Variants in GLCE observed in about 807,000 individuals in gnomAD.
The protein encoded by GLCE is glucuronic acid epimerase, also known as D-glucuronyl C5-epimerase.
Under a neutral mutation model 47.9 loss-of-function variants are expected in GLCE, and 19 were observed. The ratio of observed to expected loss-of-function variants is 0.40; its 90% CI spans 0.28 to 0.58. The LOEUF is 0.58. Among genes scored for constraint, GLCE ranks in the 20% least tolerant of loss-of-function variants. The pLI, the probability that GLCE is intolerant of heterozygous loss-of-function variation, is 0.48. For missense variants in GLCE, 556 were observed against 743.3 expected (o/e 0.75, Z 2.93); for synonymous variants, 245 against 263.4 (o/e 0.93, Z 0.68).
rs2053174139 is a variant in GLCE, at chr15:69,272,105, G to T, written c.*2861G>T. 1 of 152,648 alleles carries T rather than the reference G, an allele frequency of 6.6e-6. No homozygotes were observed. Among genetic ancestry groups the T allele is most frequent in the Non-Finnish European group, 1.5e-5 (1 of 68,038 alleles). The allele number at this position is 152,648 out of a possible 1,614,324, so 9.5% of individuals were successfully genotyped here. Reference sequence around the variant, plus strand: ...ATACAGCAAAACTTGATTTTTTGCAGATGGAAAGGTATTTTGTTTCTATAC... The same window carrying T: ...ATACAGCAAAACTTGATTTTTTGCATATGGAAAGGTATTTTGTTTCTATAC... On this transcript the variant is annotated 3_prime_UTR_variant, in exon 5 of 5. Transcript: ENST00000261858.
At chr15:69,167,027 C>A (rs981451059) in intron 1 of GLCE, among the ~76,000 whole-genome samples, 1 of 151,172 alleles carries the variant, frequency 6.6e-6, no homozygotes, top group African/African-American at 2.4e-5. Flanking sequence ...ACCAGCCTGG[C>A]CAACATGGTG....
intron 2 of GLCE, among the ~76,000 whole-genome samples, chr15:69,211,288 A>G (rs527982636): frequency 1.3e-5 from 2 of 152,180 alleles, no homozygotes; most frequent in Non-Finnish European, 2.9e-5. Flanking sequence ...TCTCATTCTA[A>G]AAACTATTCA....
chr15:69,181,089 T>C (rs1215383425), intron 1 of GLCE, among the ~76,000 whole-genome samples: 1 of 152,150 alleles, frequency 6.6e-6, no homozygotes, highest in East Asian at 1.9e-4. Flanking sequence ...TTAAGGGTGA[T>C]ACAAAGTTTG....
Position 69,269,339 on chromosome 15 carries a change from A to G in GLCE, c.*95A>G. Reference sequence around the variant, plus strand: ...ATAGGCACATTTTAAAAGGTTATGTACTAGGTTTTTGTGGATTCTATCAAA... The same window carrying G: ...ATAGGCACATTTTAAAAGGTTATGTGCTAGGTTTTTGTGGATTCTATCAAA... On this transcript the variant is annotated 3_prime_UTR_variant, in exon 5 of 5. Transcript: ENST00000261858. 1.0e-6 allele frequency: 1 copy of G among 985,484 alleles called. No homozygotes were observed. The highest frequency in any genetic ancestry group is 2.4e-5 in the East Asian group (1 of 41,702). The allele number at this position is 985,484 out of a possible 1,614,324, so 61.0% of individuals were successfully genotyped here.
At chr15:69,218,093 G>T (rs2052331218) in intron 2 of GLCE, among the ~76,000 whole-genome samples, 1 of 148,302 alleles carries the variant, frequency 6.7e-6, no homozygotes, top group Admixed American at 6.8e-5. Context: ...GGCGGAGGTT[G>T]CAGTGAGCTG....
intron 2 of GLCE, among the ~76,000 whole-genome samples, chr15:69,242,503 T>C (rs1311275352): frequency 6.6e-6 from 1 of 152,084 alleles, no homozygotes; most frequent in Non-Finnish European, 1.5e-5. Flanking sequence ...TATATAGTAA[T>C]ACTAAGTAAA....
At chr15:69,266,330 CCTTT>C (rs1214374204) in intron 4 of GLCE, among the ~76,000 whole-genome samples, 1 of 151,888 alleles carries the variant, frequency 6.6e-6, no homozygotes, top group Non-Finnish European at 1.5e-5. Flanking sequence ...TTCCTTTTTC[CCTTT>C]CTTTTTTTTT....
In GLCE at chr15:69,169,133, A is replaced by G. The variant is rs1566945405; in HGVS notation, c.-105+8376A>G. ...TTATGTCTAATTTCCTGTGTTGAAC[A>G]TTACATCTGTGAAATCCATGTTTTT... On this transcript the variant is annotated intron_variant, in intron 1 of 4. Coordinates refer to ENST00000261858, the MANE Select transcript of GLCE (RefSeq NM_015554.3). Among the ~76,000 whole-genome samples the G allele has an allele frequency of 3.9e-5, 6 of 152,216 alleles. No individual in the cohort carries two copies. In the South Asian group the frequency reaches 1.2e-3, roughly 31 times the overall value.
intron 2 of GLCE, among the ~76,000 whole-genome samples, chr15:69,248,457 A>G (rs776046558): frequency 5.3e-5 from 8 of 152,326 alleles, no homozygotes; most frequent in African/African-American, 1.9e-4. Flanking sequence ...GAAAGAAAAC[A>G]AAGTTGTCTG....
chr15:69,242,885 A>C (rs942692771), intron 2 of GLCE, among the ~76,000 whole-genome samples: 2 of 151,638 alleles, frequency 1.3e-5, no homozygotes, highest in African/African-American at 4.8e-5. Flanking sequence ...ATCTCTACTA[A>C]AAATAAAAAT....
At chr15:69,245,621 C>G (rs978360849) in intron 2 of GLCE, among the ~76,000 whole-genome samples, 11 of 152,264 alleles carry the variant, frequency 7.2e-5, no homozygotes, top group Non-Finnish European at 1.6e-4. Flanking sequence ...GCATTTTATC[C>G]ACAATAGAAC....
At chr15:69,241,110 G>A (rs2140418590) in intron 2 of GLCE, among the ~76,000 whole-genome samples, 1 of 152,186 alleles carries the variant, frequency 6.6e-6, no homozygotes, top group African/African-American at 2.4e-5. Flanking sequence ...ATCCAGGAAG[G>A]GAGAAAAACA....
chr15:69,185,908 T>G (rs2051816023), intron 1 of GLCE, among the ~76,000 whole-genome samples: 1 of 152,140 alleles, frequency 6.6e-6, no homozygotes, highest in South Asian at 2.1e-4. Context: ...TGGTTTCAAG[T>G]TGGGTTCCTC....
chr15:69,253,209 TTTC>T (rs2052872653), intron 2 of GLCE, among the ~76,000 whole-genome samples: 1 of 152,224 alleles, frequency 6.6e-6, no homozygotes, highest in Non-Finnish European at 1.5e-5. Context: ...CTAGGCAGAT[TTTC>T]TTTACAGAGC....
At chr15:69,175,103 G>A (rs2051643389) in intron 1 of GLCE, among the ~76,000 whole-genome samples, 2 of 151,874 alleles carry the variant, frequency 1.3e-5, no homozygotes, top group South Asian at 4.2e-4. Flanking sequence ...ACTCTTAATA[G>A]CATGAGAAAA....
At chr15:69,264,148 C>G (rs1844095468) in intron 4 of GLCE, among the ~76,000 whole-genome samples, 1 of 152,102 alleles carries the variant, frequency 6.6e-6, no homozygotes, top group African/African-American at 2.4e-5. Context: ...ACCCTTTGAT[C>G]AACATCTCCC....
At chr15:69,192,662 G>A (rs2051930410) in intron 1 of GLCE, among the ~76,000 whole-genome samples, 1 of 151,994 alleles carries the variant, frequency 6.6e-6, no homozygotes, top group Non-Finnish European at 1.5e-5. Flanking sequence ...TATTTTAAAG[G>A]ATGTTAGTTT....
chr15:69,258,065 G>A (rs2052955253), intron 3 of GLCE, among the ~76,000 whole-genome samples: 1 of 151,750 alleles, frequency 6.6e-6, no homozygotes, highest in Admixed American at 6.6e-5. Flanking sequence ...TCATGTCATG[G>A]AGATTTGTTT....
At chr15:69,249,119 A>C (rs2052799380) in intron 2 of GLCE, among the ~76,000 whole-genome samples, 1 of 152,192 alleles carries the variant, frequency 6.6e-6, no homozygotes, top group African/African-American at 2.4e-5. Context: ...GCCCTTTCTA[A>C]TACATTGGCA....
Sources: gnomAD v4.1 joint callset for allele counts (sites outside exome capture counted in the v4.1 genomes callset) on GRCh38, gnomAD v4.1.1 for gene constraint, MANE v1.5 for transcripts, NCBI Gene and HGNC (gene_info 2026-07-23, HGNC 2026-07-21) for gene names.